Variants in ASCC3 observed in about 807,000 individuals in gnomAD.
ASCC3 encodes activating signal cointegrator 1 complex subunit 3.
Under a neutral mutation model 256.3 loss-of-function variants are expected in ASCC3, and 158 were observed. The observed-to-expected ratio is 0.62, with a 90% CI of 0.54 to 0.70. ASCC3 has a LOEUF of 0.70. Among genes scored for constraint, ASCC3 ranks in the 30% least tolerant of loss-of-function variants. The pLI is 0.00. For synonymous variants in ASCC3, 948 were observed against 883.4 expected (o/e 1.07, Z -1.30); for missense variants, 2,259 against 2,626.0 (o/e 0.86, Z 3.05).
chr6:100,565,811 A>G (rs1281846904), intron 36 of ASCC3, among the ~76,000 whole-genome samples: 1 of 152,198 alleles, frequency 6.6e-6, no homozygotes, highest in Non-Finnish European at 1.5e-5. Flanking sequence ...TTTATATCTC[A>G]TAACATCATG....
At chr6:100,548,753 T>C (rs1365338900) in intron 36 of ASCC3, among the ~76,000 whole-genome samples, 5 of 151,860 alleles carry the variant, frequency 3.3e-5, no homozygotes, top group African/African-American at 1.2e-4. Context: ...GAGCAGATAT[T>C]AACTAGGTGA....
intron 10 of ASCC3, among the ~76,000 whole-genome samples, chr6:100,765,872 A>C (rs1781632840): frequency 6.6e-6 from 1 of 152,202 alleles, no homozygotes; most frequent in African/African-American, 2.4e-5. Flanking sequence ...AAAAAGTTCT[A>C]TTATCTATTT....
intron 8 of ASCC3, among the ~76,000 whole-genome samples, chr6:100,788,880 C>T (rs181921718): frequency 1.3e-5 from 2 of 151,858 alleles, no homozygotes; most frequent in Admixed American, 1.3e-4. Flanking sequence ...GTAAAAGAGG[C>T]AGTAGTAAAG....
At chr6:100,545,212 C>T (rs951690041) in intron 36 of ASCC3, among the ~76,000 whole-genome samples, 1 of 152,130 alleles carries the variant, frequency 6.6e-6, no homozygotes, top group African/African-American at 2.4e-5. Context: ...GAGTCTTGCT[C>T]TGTCGCCCAG....
chr6:100,612,929 T>C (rs181186397), intron 30 of ASCC3, among the ~76,000 whole-genome samples: 159 of 119,426 alleles, frequency 1.3e-3, no homozygotes, highest in Non-Finnish European at 2.2e-3. Flanking sequence ...GAAGTAAATA[T>C]ATAAGTGAAA....
At chr6:100,741,463 T>G (rs1052810863) in intron 10 of ASCC3, among the ~76,000 whole-genome samples, 4 of 152,216 alleles carry the variant, frequency 2.6e-5, no homozygotes, top group African/African-American at 9.7e-5. Context: ...CTGGATGATA[T>G]CCTGAAGTAT....
At chr6:100,765,852 C>T (rs1473464773) in intron 10 of ASCC3, among the ~76,000 whole-genome samples, 1 of 152,200 alleles carries the variant, frequency 6.6e-6, no homozygotes, top group Non-Finnish European at 1.5e-5. Flanking sequence ...TCAACGTCTG[C>T]CCATTGTTTA....
chr6:100,788,298 AT>A (rs1769186803), intron 8 of ASCC3, among the ~76,000 whole-genome samples: 1 of 151,998 alleles, frequency 6.6e-6, no homozygotes, highest in African/African-American at 2.4e-5. Flanking sequence ...ATGTTTAAAA[AT>A]TTTTAAACCG....
chr6:100,770,360 A>G (rs1781859448), intron 8 of ASCC3, among the ~76,000 whole-genome samples: 1 of 152,024 alleles, frequency 6.6e-6, no homozygotes, highest in Admixed American at 6.5e-5. Context: ...AGGTGTTCCT[A>G]TCATATTAAC....
chr6:100,622,260 ATG>A (rs1334272727), intron 30 of ASCC3, among the ~76,000 whole-genome samples: 1 of 147,916 alleles, frequency 6.8e-6, no homozygotes, highest in African/African-American at 2.7e-5. Context: ...TAATCCCCAC[ATG>A]TTACGGGAGA....
At chr6:100,713,681 A>C (rs1445380775) in intron 13 of ASCC3, among the ~76,000 whole-genome samples, 1 of 152,138 alleles carries the variant, frequency 6.6e-6, no homozygotes, top group Admixed American at 6.5e-5. Context: ...CTTTCCATTC[A>C]ATTTTACTGT....
At chr6:100,745,865 A>G (rs1780642768) in intron 10 of ASCC3, among the ~76,000 whole-genome samples, 1 of 152,118 alleles carries the variant, frequency 6.6e-6, no homozygotes, top group African/African-American at 2.4e-5. Flanking sequence ...GTCTTTTTCT[A>G]TCAATCAGTA....
chr6:100,580,411 A>G (rs1771155556), intron 36 of ASCC3, among the ~76,000 whole-genome samples: 1 of 152,022 alleles, frequency 6.6e-6, no homozygotes, highest in Non-Finnish European at 1.5e-5. Context: ...TTTTGATGAT[A>G]ATTGAAGAGA....
At chr6:100,803,497 C>G (rs2114355997) in intron 5 of ASCC3, among the ~76,000 whole-genome samples, 1 of 152,248 alleles carries the variant, frequency 6.6e-6, no homozygotes, top group East Asian at 1.9e-4. Context: ...CCATGTGGAA[C>G]TGTGAGCCAA....
chr6:100,805,546 T>A (rs1443906298), intron 5 of ASCC3, among the ~76,000 whole-genome samples: 2 of 152,078 alleles, frequency 1.3e-5, no homozygotes, highest in East Asian at 3.8e-4. Context: ...TAGTTTTAAC[T>A]TTTACCAAAA....
chr6:100,636,368 A>T (rs879763863), intron 25 of ASCC3, among the ~76,000 whole-genome samples: 1 of 152,152 alleles, frequency 6.6e-6, no homozygotes, highest in Non-Finnish European at 1.5e-5. Context: ...ACACCATATA[A>T]GATGACAAAC....
chr6:100,689,070 TA>T (rs1777716097), intron 13 of ASCC3, among the ~76,000 whole-genome samples: 1 of 152,152 alleles, frequency 6.6e-6, no homozygotes, highest in Admixed American at 6.5e-5. Flanking sequence ...GTTTTTCACT[TA>T]GTCCTCCTGC....
chr6:100,616,983 T>TGTTGTTGTC (rs1236462485), intron 30 of ASCC3, among the ~76,000 whole-genome samples: 1 of 151,818 alleles, frequency 6.6e-6, no homozygotes, highest in African/African-American at 2.4e-5. Flanking sequence ...CTGAACTTTT[T>TGTTGTTGTC]GTTGTTGTCG....
At chr6:100,720,032 C>T (rs559433475) in intron 11 of ASCC3, among the ~76,000 whole-genome samples, 3 of 151,938 alleles carry the variant, frequency 2.0e-5, no homozygotes, top group East Asian at 1.9e-4. Context: ...CTTTGGAAGG[C>T]ACTTCTACAT....
Sources: allele counts gnomAD v4.1 joint callset (sites outside exome capture counted in the v4.1 genomes callset), GRCh38; gene constraint gnomAD v4.1.1; transcripts MANE v1.5; gene names NCBI Gene and HGNC (gene_info 2026-07-23, HGNC 2026-07-21).